Variants in CRYBG3 observed in about 807,000 individuals in gnomAD.
CRYBG3 encodes the protein crystallin beta-gamma domain containing 3, also known as very large A-kinase anchor protein.
Under a neutral mutation model 244.2 loss-of-function variants are expected in CRYBG3, and 127 were observed. The observed-to-expected ratio is 0.52, with a 90% confidence interval of 0.45 to 0.60. The LOEUF (loss-of-function observed/expected upper bound fraction) is 0.60. Ranked by LOEUF, CRYBG3 falls within the 20% of genes least tolerant of loss-of-function variation. The pLI, the probability that CRYBG3 is intolerant of heterozygous loss-of-function variation, is 0.00. For missense variants in CRYBG3, 3,325 were observed against 3,442.5 expected (o/e 0.97, Z 0.85); for synonymous variants, 1,132 against 1,195.8 (o/e 0.95, Z 1.10).
intron 17 of CRYBG3, among the ~76,000 whole-genome samples, chr3:97,929,238 G>T (rs2040071746): frequency 6.6e-6 from 1 of 151,936 alleles, no homozygotes; most frequent in African/African-American, 2.4e-5. Flanking sequence ...ATGGACTAAG[G>T]CGAAGACATT....
intron 11 of CRYBG3, among the ~76,000 whole-genome samples, chr3:97,893,232 C>A (rs1324498436): frequency 6.6e-6 from 1 of 152,164 alleles, no homozygotes; most frequent in Admixed American, 6.5e-5. Flanking sequence ...CCTTGTATTT[C>A]TGAACACAGG....
At chr3:97,931,310 G>A (rs2040094398) in intron 17 of CRYBG3, among the ~76,000 whole-genome samples, 1 of 152,078 alleles carries the variant, frequency 6.6e-6, no homozygotes, top group Non-Finnish European at 1.5e-5. Flanking sequence ...GAAAGAATTT[G>A]ATGCCATGGG....
chr3:97,883,179 G>A (rs1458102968), intron 7 of CRYBG3, among the ~76,000 whole-genome samples: 1 of 152,186 alleles, frequency 6.6e-6, no homozygotes, highest in African/African-American at 2.4e-5. Context: ...GTCAGATACA[G>A]AGGTGAGCTT....
At chr3:97,851,998 G>T (rs2038993180) in intron 2 of CRYBG3, among the ~76,000 whole-genome samples, 1 of 152,170 alleles carries the variant, frequency 6.6e-6, no homozygotes, top group Admixed American at 6.5e-5. Context: ...CTTTATAGAA[G>T]AAGGAAGAAA....
intron 11 of CRYBG3, among the ~76,000 whole-genome samples, chr3:97,894,682 T>C (rs919097979): frequency 6.6e-6 from 1 of 152,186 alleles, no homozygotes; most frequent in African/African-American, 2.4e-5. Context: ...TCCTTTAAGG[T>C]CTTTTATACC....
chr3:97,863,662 C>T (rs1021130961), intron 2 of CRYBG3, among the ~76,000 whole-genome samples: 1 of 152,022 alleles, frequency 6.6e-6, no homozygotes, highest in African/African-American at 2.4e-5. Flanking sequence ...GAGGTGTTAT[C>T]TCAAGTACCA....
rs1327366880 is a variant in CRYBG3 at position 97,915,579 on chromosome 3, T to C, written c.8115-31T>C. On this transcript the variant is annotated intron_variant, in intron 16 of 21. Coordinates refer to ENST00000389622, the MANE Select transcript of CRYBG3 (RefSeq NM_153605.4). ...GCCTATACTGCCAAGTGAATGCAAT[T>C]TGATTGAATGTCTTACTGCTTGGCT... The C allele has an allele frequency of 2.5e-6, 4 of 1,590,018 alleles. No homozygotes were observed. The South Asian group carries it at 3.4e-5, about 13-fold the overall frequency.
At chr3:97,863,320 A>G (rs528065182) in intron 2 of CRYBG3, among the ~76,000 whole-genome samples, 1 of 152,286 alleles carries the variant, frequency 6.6e-6, no homozygotes, top group South Asian at 2.1e-4. Context: ...TGGAAATAGC[A>G]TGAAGTGGAA....
At chr3:97,870,672 A>G (rs577835340) in intron 3 of CRYBG3, among the ~76,000 whole-genome samples, 21 of 152,296 alleles carry the variant, frequency 1.4e-4, no homozygotes, top group Non-Finnish European at 2.5e-4. Flanking sequence ...CATTTTGATT[A>G]TCACATATAA....
chr3:97,936,159 A>G (rs2040161852), intron 18 of CRYBG3, among the ~76,000 whole-genome samples: 1 of 152,106 alleles, frequency 6.6e-6, no homozygotes, highest in Non-Finnish European at 1.5e-5. Flanking sequence ...CAATCCTTAA[A>G]GCAATGGGCA....
At chr3:97,923,571 A>G (rs2040007728) in intron 17 of CRYBG3, among the ~76,000 whole-genome samples, 1 of 151,998 alleles carries the variant, frequency 6.6e-6, no homozygotes, top group Non-Finnish European at 1.5e-5. Flanking sequence ...AGTTCTATCT[A>G]ATAAAAAAAA....
chr3:97,924,041 G>A (rs902453079), intron 17 of CRYBG3, among the ~76,000 whole-genome samples: 2 of 152,026 alleles, frequency 1.3e-5, no homozygotes, highest in African/African-American at 4.8e-5. Context: ...ATCCTACCAA[G>A]TATATATTGC....
intron 9 of CRYBG3, 140 bp downstream of exon 9, chr3:97,888,595 C>A: frequency 1.5e-6 from 1 of 663,586 alleles, no homozygotes; most frequent in Non-Finnish European, 2.7e-6. Flanking sequence ...TACTGTAGTG[C>A]CTTCAGTATT....
intron 17 of CRYBG3, among the ~76,000 whole-genome samples, chr3:97,917,921 A>G (rs775725074): frequency 4.7e-4 from 71 of 151,996 alleles, no homozygotes; most frequent in Non-Finnish European, 3.5e-4. Flanking sequence ...TACACTACCT[A>G]TTCTGCTTCT....
intron 11 of CRYBG3, 147 bp from the exon 12 acceptor site, chr3:97,895,812 T>C: frequency 6.1e-6 from 4 of 656,650 alleles, no homozygotes; most frequent in Non-Finnish European, 7.5e-6. Context: ...ACACCATTTG[T>C]CTATCTTTAT....
At chr3:97,840,566 T>C (rs1559714784) in intron 1 of CRYBG3, 1 of 152,128 alleles carries the variant, frequency 6.6e-6, no homozygotes, top group Non-Finnish European at 1.5e-5. Context: ...TGGAAGTAAT[T>C]ACAGCTATTT....
Position 97,878,162 on chromosome 3 carries a change from G to A in CRYBG3, c.6843+125G>A. On this transcript the variant is annotated intron_variant, in intron 4 of 21. Coordinates refer to ENST00000389622, the MANE Select transcript of CRYBG3 (RefSeq NM_153605.4). ...ATGGTGGCTCATGCCTGTAATCCTGGCACTTTGGGAGGCCGAGGCAGGTGG... is the reference window on the plus strand; with the variant it reads ...ATGGTGGCTCATGCCTGTAATCCTGACACTTTGGGAGGCCGAGGCAGGTGG... 6 of 849,382 alleles carry A rather than the reference G, an allele frequency of 7.1e-6. No individual in the cohort carries two copies. In the South Asian group the frequency reaches 9.9e-5, roughly 14 times the overall value. The allele number at this position is 849,382 out of a possible 1,614,324, so 52.6% of individuals were successfully genotyped here. A position where few individuals can be genotyped will look rare whatever the true frequency, so the allele number is the denominator to read the frequency against.
At chr3:97,897,550 C>T (rs745324350) in intron 12 of CRYBG3, among the ~76,000 whole-genome samples, 2 of 151,858 alleles carry the variant, frequency 1.3e-5, no homozygotes, top group African/African-American at 2.4e-5. Context: ...AGAAAAGCAG[C>T]GATGGTAGTA....
intron 7 of CRYBG3, among the ~76,000 whole-genome samples, chr3:97,886,418 C>T (rs2039507299): frequency 6.6e-6 from 1 of 151,706 alleles, no homozygotes; most frequent in South Asian, 2.1e-4. Flanking sequence ...ATAATTTTTC[C>T]ATAAAATTTA....
Sources: allele counts gnomAD v4.1 joint callset (sites outside exome capture counted in the v4.1 genomes callset), GRCh38; gene constraint gnomAD v4.1.1; transcripts MANE v1.5; gene names NCBI Gene and HGNC (gene_info 2026-07-23, HGNC 2026-07-21).